Variants in STPG2 observed in about 807,000 individuals in gnomAD.
The protein encoded by STPG2 is sperm tail PG-rich repeat containing 2.
Under a neutral mutation model 54.2 loss-of-function variants are expected in STPG2, and 56 were observed. The ratio of observed to expected loss-of-function variants is 1.03; its 90% CI spans 0.83 to 1.29. The LOEUF (loss-of-function observed/expected upper bound fraction) is 1.29, where lower values mean the gene tolerates loss of function less well. STPG2 is among the 50% of genes most tolerant of loss of function. The pLI is 0.00. For missense variants in STPG2, 596 were observed against 544.9 expected (o/e 1.09, Z -0.93); for synonymous variants, 200 against 181.8 (o/e 1.10, Z -0.81).
At chr4:97,959,755 T>C (rs1391571989) in intron 7 of STPG2, among the ~76,000 whole-genome samples, 1 of 151,822 alleles carries the variant, frequency 6.6e-6, no homozygotes, top group African/African-American at 2.4e-5. Context: ...CAAAGCTGAA[T>C]TCTACCAGAC....
intron 10 of STPG2, among the ~76,000 whole-genome samples, chr4:97,680,280 G>C (rs1722991293): frequency 6.6e-6 from 1 of 151,582 alleles, no homozygotes; most frequent in African/African-American, 2.4e-5. Context: ...TCTTCCATTT[G>C]TTTGTATCCT....
intron 9 of STPG2, among the ~76,000 whole-genome samples, chr4:97,790,590 A>G (rs1035184691): frequency 6.6e-6 from 1 of 152,134 alleles, no homozygotes; most frequent in Non-Finnish European, 1.5e-5. Context: ...AGTCATTCTC[A>G]GCTTCTAGAG....
chr4:97,487,575 A>G (rs1730399903), intron 4 of STPG2, among the ~76,000 whole-genome samples: 1 of 151,532 alleles, frequency 6.6e-6, no homozygotes, highest in Admixed American at 6.6e-5. Context: ...ATTAGAATGC[A>G]TGTTACACTT....
chr4:97,687,556 T>C (rs1404246227), intron 10 of STPG2, among the ~76,000 whole-genome samples: 1 of 151,432 alleles, frequency 6.6e-6, no homozygotes, highest in Non-Finnish European at 1.5e-5. Flanking sequence ...GCCAAGCTGG[T>C]CTCGAACTCC....
chr4:97,914,038 C>T (rs770104078), intron 8 of STPG2, among the ~76,000 whole-genome samples: 16 of 151,802 alleles, frequency 1.1e-4, no homozygotes, highest in African/African-American at 3.4e-4. Context: ...TTCTACGATA[C>T]GTAACAGCTA....
intron 4 of STPG2, among the ~76,000 whole-genome samples, chr4:97,522,338 C>T (rs1731200609): frequency 6.6e-6 from 1 of 151,784 alleles, no homozygotes; most frequent in Non-Finnish European, 1.5e-5. Context: ...GAAAATGTTG[C>T]TATTTTGTTA....
At chr4:97,802,715 C>A (rs593360) in intron 9 of STPG2, among the ~76,000 whole-genome samples, 24,480 of 152,012 alleles carry the variant, frequency 0.16, 2,139 homozygotes, top group East Asian at 0.36. Flanking sequence ...AGTTTATCCA[C>A]GCACCTCAGC....
chr4:98,077,881 G>GA (rs1430775166), intron 5 of STPG2, among the ~76,000 whole-genome samples: 1 of 152,054 alleles, frequency 6.6e-6, no homozygotes, highest in Non-Finnish European at 1.5e-5. Context: ...CACTATGGTA[G>GA]AAAAAATATA....
intron 5 of STPG2, among the ~76,000 whole-genome samples, chr4:98,102,261 G>T (rs1268161317): frequency 1.3e-5 from 2 of 152,038 alleles, no homozygotes; most frequent in South Asian, 2.1e-4. Context: ...CTCTATATTT[G>T]TCTTTCAGGG....
At chr4:98,040,927 A>G (rs1016003103) in intron 5 of STPG2, among the ~76,000 whole-genome samples, 7 of 151,660 alleles carry the variant, frequency 4.6e-5, no homozygotes, top group Admixed American at 3.3e-4. Flanking sequence ...ACATTGAATC[A>G]AAAGAATCAG....
intron 4 of STPG2, among the ~76,000 whole-genome samples, chr4:97,521,738 G>T (rs141673724): frequency 5.4e-4 from 82 of 151,986 alleles, no homozygotes; most frequent in African/African-American, 1.9e-3. Context: ...TTAAAAACAG[G>T]ATGAATTGAA....
chr4:97,957,170 A>G (rs1361201224), intron 7 of STPG2, among the ~76,000 whole-genome samples: 1 of 151,372 alleles, frequency 6.6e-6, no homozygotes, highest in Non-Finnish European at 1.5e-5. Context: ...TGAAATATAT[A>G]TGTGAAATAT....
At chr4:97,898,014 T>C (rs1024795788) in intron 8 of STPG2, among the ~76,000 whole-genome samples, 1 of 152,182 alleles carries the variant, frequency 6.6e-6, no homozygotes, top group Non-Finnish European at 1.5e-5. Flanking sequence ...CCAGGTTGTC[T>C]TCAAGGTTTT....
chr4:97,871,404 T>C (rs1278181025), intron 8 of STPG2, among the ~76,000 whole-genome samples: 1 of 145,152 alleles, frequency 6.9e-6, no homozygotes, highest in Non-Finnish European at 1.5e-5. Context: ...GCTAATCTAA[T>C]TTTTTTTTAA....
chr4:98,094,628 C>T (rs1430437567), intron 5 of STPG2, among the ~76,000 whole-genome samples: 1 of 151,416 alleles, frequency 6.6e-6, no homozygotes, highest in Non-Finnish European at 1.5e-5. Context: ...AGGGTGTGTC[C>T]CAGGCCAGGC....
chr4:97,926,419 T>G (rs1560593550), intron 8 of STPG2, among the ~76,000 whole-genome samples: 1 of 152,128 alleles, frequency 6.6e-6, no homozygotes, highest in South Asian at 2.1e-4. Flanking sequence ...TTACCAGACT[T>G]CCCCTATCTT....
intron 8 of STPG2, among the ~76,000 whole-genome samples, chr4:97,854,385 A>G (rs1262956873): frequency 2.0e-5 from 3 of 151,530 alleles, no homozygotes; most frequent in Admixed American, 6.6e-5. Context: ...AGATTAAATG[A>G]GTTAAAATAT....
At chr4:97,542,950 A>G (rs988010139) in intron 4 of STPG2, among the ~76,000 whole-genome samples, 1 of 152,000 alleles carries the variant, frequency 6.6e-6, no homozygotes, top group East Asian at 1.9e-4. Context: ...CAGGAAGGGG[A>G]ACATCACACA....
chr4:97,702,063 G>C (rs1035054889), intron 10 of STPG2, among the ~76,000 whole-genome samples: 2 of 152,098 alleles, frequency 1.3e-5, no homozygotes, highest in Admixed American at 1.3e-4. Flanking sequence ...CTCCCAGCTG[G>C]GATGAGTAGG....
Sources: allele counts gnomAD v4.1 joint callset (sites outside exome capture counted in the v4.1 genomes callset), GRCh38; gene constraint gnomAD v4.1.1; transcripts MANE v1.5; gene names NCBI Gene and HGNC (gene_info 2026-07-23, HGNC 2026-07-21).